The following MAPK15 variants were observed in gnomAD, a reference collection of about 807,000 sequenced individuals.
The protein encoded by MAPK15 is ERK-7.
MAPK15 carries 61 observed loss-of-function variants against 60.8 expected under a neutral mutation model. The observed-to-expected ratio is 1.00, with a 90% CI of 0.82 to 1.24. MAPK15 has a LOEUF of 1.24. MAPK15 is among the 50% of genes most tolerant of loss of function. MAPK15 has a pLI of 0.00. For missense variants in MAPK15, 808 were observed against 741.1 expected, an observed-to-expected ratio of 1.09 and a Z score of -1.05; for synonymous variants, 356 against 319.9, an observed-to-expected ratio of 1.11 and a Z score of -1.21.
chr8:143,718,727 G>GGCCCCCCCCCCCCCC, intron 4 of MAPK15, 48 bp from the exon 5 acceptor site: 4 of 514,512 alleles, frequency 7.8e-6, no homozygotes, highest in South Asian at 4.1e-5. Context: ...CCCCCAGGTT[G>GGCCCCCCCCCCCCCC]CCCCCCCAGC....
chr8:143,719,188 A>G (rs782410014), intron 6 of MAPK15, 32 bp downstream of exon 6: 2 of 1,423,690 alleles, frequency 1.4e-6, no homozygotes, highest in East Asian at 2.7e-5. Flanking sequence ...CCCCCCCTCC[A>G]CCTCCCTGCT....
chr8:143,716,952 G>A (rs945768865), intron 1 of MAPK15, among the ~76,000 whole-genome samples: 1 of 152,056 alleles, frequency 6.6e-6, no homozygotes, highest in Non-Finnish European at 1.5e-5. Flanking sequence ...GTGTGGGGGG[G>A]TGTTCGAGGG....
intron 1 of MAPK15, 84 bp from the exon 2 acceptor site, chr8:143,717,610 G>A: frequency 8.4e-7 from 1 of 1,192,778 alleles, no homozygotes; most frequent in Non-Finnish European, 1.2e-6. Flanking sequence ...ATGGGAAGGA[G>A]GAGCCTCATG....
Position 143,717,629 on chromosome 8 carries a change from G to A in MAPK15, c.67-65G>A, listed in dbSNP as rs1002231735. ...GAAGGAGGAGCCTCATGTCTGTAGG[G>A]ACAATCTGGGTGGGCAGGGGATGGG... On this transcript the variant is annotated intron_variant, in intron 1 of 13. Coordinates refer to ENST00000338033, the MANE Select transcript of MAPK15 (RefSeq NM_139021.3). The A allele has an allele frequency of 1.2e-5, 16 of 1,374,530 alleles. No individual in the cohort carries two copies. The African/African-American group carries it at 1.6e-4, about 13-fold the overall frequency. The allele number at this position is 1,374,530 out of a possible 1,614,324, so 85.1% of individuals were successfully genotyped here.
chr8:143,722,034 C>T (rs1818101659), intron 13 of MAPK15, 41 bp from the exon 14 acceptor site: 4 of 1,584,718 alleles, frequency 2.5e-6, no homozygotes, highest in Non-Finnish European at 3.4e-6. Flanking sequence ...CCACTGCACC[C>T]CCTCTGATGG....
At chr8:143,721,724 A>G in intron 12 of MAPK15, 28 bp from the exon 13 acceptor site, 1 of 1,613,338 alleles carries the variant, frequency 6.2e-7, no homozygotes. Flanking sequence ...TGCACCTTTC[A>G]GTGACCCTGT....
chr8:143,721,014 G>A lies in MAPK15; in HGVS notation c.932G>A (p.Ser311Asn). Residue 311 changes from serine (S) to asparagine (N), a missense_variant, in exon 10 of 14, where the codon AGC becomes AAC. Coordinates refer to ENST00000338033, the MANE Select transcript of MAPK15 (RefSeq NM_139021.3). ...HPYVQRFHCPSDEWAREADVR... is the reference protein window; with the variant it reads ...HPYVQRFHCPNDEWAREADVR... ...GCTCCCTGCAGGTTCCACTGCCCCA[G>A]CGACGAGTGGGCACGAGAGGCAGAT... 1 of 1,611,136 alleles carries A rather than the reference G, an allele frequency of 6.2e-7. No homozygotes were observed.
rs1818060631 is a variant in MAPK15 at position 143,721,408 on chromosome 8, C to T, written c.1201C>T (p.His401Tyr). The change falls in exon 11 of 14, where the codon CAC (histidine) becomes TAC (tyrosine). Residue 401 changes from histidine to tyrosine, a missense_variant. His to Tyr is a moderately conservative substitution (Grantham distance 83). Coordinates refer to ENST00000338033, the MANE Select transcript of MAPK15 (RefSeq NM_139021.3). ...QSSPGHDPAEHESPRAAKNVP... is the reference protein window; with the variant it reads ...QSSPGHDPAEYESPRAAKNVP... The stretch of plus-strand genomic sequence containing the variant: ...CAGCCCAGGCCATGACCCTGCCGAG[C>T]ACGGTGTGTGATCTTTGCTGGCCGC... The T allele has an allele frequency of 6.2e-7, 1 of 1,610,514 alleles. No individual in the cohort carries two copies. The highest frequency in any genetic ancestry group is 8.5e-7 in the Non-Finnish European group (1 of 1,178,342).
Position 143,719,127 on chromosome 8 carries a change from A to T in MAPK15, c.552A>T (p.Arg184=). 6.4e-7 allele frequency: 1 copy of T among 1,556,216 alleles called. No homozygotes were observed. Among genetic ancestry groups the T allele is most frequent in the South Asian group, 1.2e-5 (1 of 84,900 alleles). The change falls in exon 6 of 14, where the codon CGA becomes CGT. Residue 184 remains arginine (R), a synonymous_variant. Transcript: ENST00000338033. ...AGTACGTGGCCACACGCTGGTACCG[A>T]GCACCGGAGGTGCTGCTCTCTTCGC... ...VTEYVATRWY[R]APEVLLSSHR...
chr8:143,716,773 G>A (rs1554618451), intron 1 of MAPK15, among the ~76,000 whole-genome samples: 2 of 152,354 alleles, frequency 1.3e-5, no homozygotes, highest in East Asian at 3.9e-4. Flanking sequence ...GGGGAGGCTG[G>A]GCCCGCGCCC....
Position 143,720,670 on chromosome 8 carries a change from C to T in MAPK15, c.780-33C>T, listed in dbSNP as rs782485089. The T allele has an allele frequency of 2.3e-5, 37 of 1,592,506 alleles. No homozygotes were observed. The highest frequency in any genetic ancestry group is 1.7e-4 in the Middle Eastern group (1 of 6,034). On this transcript the variant is annotated intron_variant, in intron 8 of 13. Transcript: ENST00000338033. The surrounding 1 kb of genome is among the most constrained non-coding windows in gnomAD (Gnocchi z 4.6). ...TGGATCTGAGGAGGGGCCCTTGGGT[C>T]GGGCCCTGGAGACGACACACGGCAG... is the stretch of plus-strand genomic sequence containing the variant.
At chr8:143,719,557 G>C (rs1563750294) in intron 7 of MAPK15, 75 bp downstream of exon 7, 1 of 1,520,660 alleles carries the variant, frequency 6.6e-7, no homozygotes, top group African/African-American at 1.4e-5. Flanking sequence ...GACAGCAGCT[G>C]ACAGGCTAGG....
At chr8:143,719,932 C>T (rs782097399) in intron 7 of MAPK15, among the ~76,000 whole-genome samples, 1 of 152,018 alleles carries the variant, frequency 6.6e-6, no homozygotes, top group Non-Finnish European at 1.5e-5. Context: ...CACCGCCAGG[C>T]ATAGCTGCTT....
chr8:143,720,502 G>C lies in MAPK15; in HGVS notation c.780-201G>C. 2 of 1,452,024 alleles carry C rather than the reference G, an allele frequency of 1.4e-6. No individual in the cohort carries two copies. The highest frequency in any genetic ancestry group is 1.8e-6 in the Non-Finnish European group (2 of 1,099,736). 89.9% of individuals were successfully genotyped at this position (1,452,024 alleles called of 1,614,324 possible). A position where few individuals can be genotyped will look rare whatever the true frequency, so the allele number is the denominator to read the frequency against. On this transcript the variant is annotated intron_variant, in intron 8 of 13. Coordinates refer to ENST00000338033, the MANE Select transcript of MAPK15 (RefSeq NM_139021.3). This position sits in a 1 kb window ranked among gnomAD's most constrained non-coding sequence, Gnocchi z 4.6. ...GCCCAGAGGAGCTGTGCCAGGGCGT[G>C]GAGAGGAGGGCACCAGGGGGCCGCA...
chr8:143,717,775 G>GA lies in MAPK15; in HGVS notation c.149dup (p.Asp50GlufsTer2), dbSNP rs1563747880. On this transcript the variant is annotated frameshift_variant, in exon 2 of 14. Coordinates refer to ENST00000338033, the MANE Select transcript of MAPK15 (RefSeq NM_139021.3). LOFTEE classifies it high-confidence loss of function. ...CAAGAAAATCTTTGATGCTTTTAGG[G>GA]ATAAGACAGATGCCCAGGTGAGTGT... 6.2e-7 allele frequency: 1 copy of GA among 1,611,324 alleles called. No homozygotes were observed. The highest frequency in any genetic ancestry group is 8.5e-7 in the Non-Finnish European group (1 of 1,179,068).
chr8:143,719,093 C>T lies in MAPK15; in HGVS notation c.518C>T (p.Ala173Val). The change falls in exon 6 of 14, where the codon GCC (alanine) becomes GTC (valine). Residue 173 changes from alanine (A) to valine (V), a missense_variant. Physicochemically the swap from Ala to Val is moderately conservative, Grantham distance 64. Coordinates refer to ENST00000338033, the MANE Select transcript of MAPK15 (RefSeq NM_139021.3). Reference sequence around the variant, plus strand: ...CTCCCCGAGGGGCCTGAGGACCAGGCCGTGACAGAGTACGTGGCCACACGC... The same window carrying T: ...CTCCCCGAGGGGCCTGAGGACCAGGTCGTGACAGAGTACGTGGCCACACGC... ...GDLPEGPEDQ[A>V]VTEYVATRWY... The T allele has an allele frequency of 6.4e-7, 1 of 1,568,300 alleles. No homozygotes were observed.
intron 5 of MAPK15, 37 bp from the exon 6 acceptor site, chr8:143,718,955 AC>A: frequency 6.3e-7 from 1 of 1,597,596 alleles, no homozygotes. Context: ...TCCCGGCCCC[AC>A]CCAGCCCCGG....
intron 13 of MAPK15, 80 bp from the exon 14 acceptor site, chr8:143,721,995 A>G (rs1233849988): frequency 1.3e-6 from 2 of 1,537,372 alleles, no homozygotes; most frequent in East Asian, 4.6e-5. Context: ...GTCCAGTTCA[A>G]ATCTCTCGAG....
chr8:143,720,870 G>T lies in MAPK15; in HGVS notation c.917+30G>T, dbSNP rs781946997. The stretch of plus-strand genomic sequence containing the variant: ...GGGTGGGAGAGAGTCCCCCAAGTGC[G>T]GGGGGACAGAGGTGGGGGCAGGAGA... On this transcript the variant is annotated intron_variant, in intron 9 of 13. Coordinates refer to ENST00000338033, the MANE Select transcript of MAPK15 (RefSeq NM_139021.3). The surrounding 1 kb of genome is among the most constrained non-coding windows in gnomAD (Gnocchi z 4.6). 2.5e-6 allele frequency: 4 copies of T among 1,603,818 alleles called. No individual in the cohort carries two copies. The East Asian group carries it at 6.7e-5, about 27-fold the overall frequency.
Sources: gnomAD v4.1 joint callset for allele counts (sites outside exome capture counted in the v4.1 genomes callset) on GRCh38, gnomAD v4.1.1 for gene constraint, Gnocchi (gnomAD v3.1) non-coding constraint, MANE v1.5 for transcripts, NCBI Gene and HGNC (gene_info 2026-07-23, HGNC 2026-07-21) for gene names.